The following LIAS variants were observed in gnomAD, a reference collection of about 807,000 sequenced individuals.
The protein encoded by LIAS is lipoyl synthase, mitochondrial.
A neutral mutation model predicts 49.4 loss-of-function variants in LIAS; 36 were observed. The ratio of observed to expected loss-of-function variants is 0.73; its 90% CI spans 0.56 to 0.96. The LOEUF (loss-of-function observed/expected upper bound fraction) is 0.96, where lower values mean the gene tolerates loss of function less well. Ranked by LOEUF, LIAS falls within the 40% of genes least tolerant of loss-of-function variation. LIAS has a pLI of 0.00. For synonymous variants in LIAS, 145 were observed against 155.8 expected, an observed-to-expected ratio of 0.93 and a Z score of 0.52; for missense variants, 399 against 456.3, an observed-to-expected ratio of 0.87 and a Z score of 1.14.
In LIAS at chr4:39,460,922, G is replaced by C; in HGVS notation, c.178G>C (p.Asp60His). ...SGDLADRSTW[D>H]EYKGNLKRQK... ...TGATCTTGCAGACAGGAGCACCTGGGATGAATATAAAGGAAACCTAAAACG... is the reference window on the plus strand; with the variant it reads ...TGATCTTGCAGACAGGAGCACCTGGCATGAATATAAAGGAAACCTAAAACG... Residue 60 changes from aspartate (D) to histidine (H), a missense_variant, in exon 2 of 11, where the codon GAT (aspartate) becomes CAT (histidine). Around this residue, in one of 3 missense-constraint regions of LIAS, gnomAD observed 159 missense variants for 147.6 expected, o/e 1.08. Coordinates refer to ENST00000640888, the MANE Select transcript of LIAS (RefSeq NM_006859.4). 2 of 1,611,740 alleles carry C rather than the reference G, an allele frequency of 1.2e-6. No homozygotes were observed. Among genetic ancestry groups the C allele is most frequent in the Non-Finnish European group, 1.7e-6 (2 of 1,179,102 alleles).
chr4:39,474,491 G>A (rs1162880903), intron 10 of LIAS, among the ~76,000 whole-genome samples: 1 of 151,822 alleles, frequency 6.6e-6, no homozygotes, highest in African/African-American at 2.4e-5. Context: ...TGTGCCTATA[G>A]TCCCAACTTC....
intron 9 of LIAS, 34 bp downstream of exon 9, chr4:39,471,340 T>A (rs551117260): frequency 5.9e-6 from 9 of 1,534,842 alleles, no homozygotes; most frequent in East Asian, 2.3e-5. Flanking sequence ...TTTTTTTTTT[T>A]TTTATTTTTA....
chr4:39,472,615 G>A (rs1745036010), intron 9 of LIAS, among the ~76,000 whole-genome samples: 1 of 152,144 alleles, frequency 6.6e-6, no homozygotes, highest in Admixed American at 6.5e-5. Context: ...GGCGAAGAAA[G>A]AATGGGAAAC....
rs1409900033 is a variant in LIAS at position 39,477,974 on chromosome 4, G to C, written c.*859G>C. 1 of 151,114 alleles carries C rather than the reference G, an allele frequency of 6.6e-6. No homozygotes were observed. Among genetic ancestry groups the C allele is most frequent in the African/African-American group, 2.4e-5 (1 of 41,052 alleles). The allele number at this position is 151,114 out of a possible 1,614,324, so 9.4% of individuals were successfully genotyped here. On this transcript the variant is annotated 3_prime_UTR_variant, in exon 11 of 11. Transcript: ENST00000640888. ...GCGCTACAACTGCTCTCCAGACTCT[G>C]TCTTGAAAAAAAAACCCAAAAACTT...
chr4:39,468,462 A>G (rs1169872964), intron 7 of LIAS: 1 of 147,936 alleles, frequency 6.8e-6, no homozygotes, highest in Admixed American at 6.9e-5. Flanking sequence ...GCTTGGGCAA[A>G]AAGAGCGAAA....
In LIAS at chr4:39,471,343, T is replaced by A. The variant is rs7440683; in HGVS notation, c.954+37T>A. 732 of 1,411,382 alleles carry A rather than the reference T, an allele frequency of 5.2e-4. 4 individuals carry two copies. Among genetic ancestry groups the A allele is most frequent in the Non-Finnish European group, 6.1e-5 (63 of 1,031,956 alleles). The allele number at this position is 1,411,382 out of a possible 1,614,324, so 87.4% of individuals were successfully genotyped here. On this transcript the variant is annotated intron_variant, in intron 9 of 10. Transcript: ENST00000640888. ...TTGATTTGCTTTTTTTTTTTTTTTTTATTTTTAAAGATGGAGTTTTGCTCT... is the reference window on the plus strand; with the variant it reads ...TTGATTTGCTTTTTTTTTTTTTTTTAATTTTTAAAGATGGAGTTTTGCTCT...
At chr4:39,467,768 GT>G in intron 7 of LIAS, 122 bp downstream of exon 7, 1 of 1,002,906 alleles carries the variant, frequency 1.0e-6, no homozygotes, top group South Asian at 2.9e-5. Flanking sequence ...ATTCTTTTTT[GT>G]TTTTTAGGCA....
At chr4:39,459,671 T>A (rs988732564) in intron 1 of LIAS, among the ~76,000 whole-genome samples, 3 of 152,318 alleles carry the variant, frequency 2.0e-5, no homozygotes, top group Non-Finnish European at 4.4e-5. Flanking sequence ...CACGTTTGTG[T>A]TCAGATGTAA....
intron 2 of LIAS, 126 bp from the exon 3 acceptor site, chr4:39,462,070 A>G (rs773366111): frequency 2.7e-5 from 11 of 403,688 alleles, no homozygotes; most frequent in African/African-American, 4.2e-5. Flanking sequence ...AGAAATTATA[A>G]GAGTTATTCT....
chr4:39,472,627 A>G (rs1477741033), intron 9 of LIAS, among the ~76,000 whole-genome samples: 1 of 152,190 alleles, frequency 6.6e-6, no homozygotes, highest in Non-Finnish European at 1.5e-5. Flanking sequence ...ATGGGAAACC[A>G]TTCTTTCTAT....
chr4:39,471,308 T>G lies in LIAS; in HGVS notation c.954+2T>G. On this transcript the variant is annotated splice_donor_variant, in intron 9 of 10. Coordinates refer to ENST00000640888, the MANE Select transcript of LIAS (RefSeq NM_006859.4). LOFTEE classifies it high-confidence loss of function. ...CAGCCAACAAGGCGTCACCTTAAGG[T>G]ACATGTATCTTGATTTGCTTTTTTT... 6.3e-7 allele frequency: 1 copy of G among 1,581,918 alleles called. No individual in the cohort carries two copies. Among genetic ancestry groups the G allele is most frequent in the Non-Finnish European group, 8.6e-7 (1 of 1,157,670 alleles).
intron 9 of LIAS, 79 bp from the exon 10 acceptor site, chr4:39,473,021 C>A: frequency 1.2e-6 from 1 of 811,090 alleles, no homozygotes; most frequent in Non-Finnish European, 2.1e-6. Flanking sequence ...GAAGAGCATT[C>A]TGCATACATA....
chr4:39,473,174 T>C lies in LIAS; in HGVS notation c.1029T>C (p.Thr343=), dbSNP rs777324779. The C allele has an allele frequency of 2.1e-5, 34 of 1,613,424 alleles. No individual in the cohort carries two copies. Among genetic ancestry groups the C allele is most frequent in the Middle Eastern group, 1.6e-4 (1 of 6,084 alleles). ...KVGNELGFHY[T]ASGPLVRSSY... is the part of the protein sequence containing the mutation. ...GAAATGAACTTGGATTTCATTATAC[T>C]GCAAGTGGCCCTTTGGTGCGTTCTT... is the stretch of plus-strand genomic sequence containing the variant. Residue 343 remains threonine (T), a synonymous_variant, in exon 10 of 11, where the codon ACT becomes ACC. Coordinates refer to ENST00000640888, the MANE Select transcript of LIAS (RefSeq NM_006859.4).
chr4:39,470,303 C>A, intron 8 of LIAS, 139 bp downstream of exon 8: 1 of 535,002 alleles, frequency 1.9e-6, no homozygotes, highest in East Asian at 3.0e-5. Flanking sequence ...CCAACTTGCA[C>A]ATGCACCCTC....
At position 39,478,832 on chromosome 4, in the gene LIAS, T is replaced by C. The variant is rs1343507748; in HGVS notation, c.*1717T>C. On this transcript the variant is annotated 3_prime_UTR_variant, in exon 11 of 11. Coordinates refer to ENST00000640888, the MANE Select transcript of LIAS (RefSeq NM_006859.4). ...TTTCTGCATATCTAAAAGGACACTT[T>C]TAGGTGGCCATGTTGTAAAATATGT... The C allele has an allele frequency of 6.6e-6, 1 of 152,246 alleles. No homozygotes were observed. The highest frequency in any genetic ancestry group is 1.5e-5 in the Non-Finnish European group (1 of 68,034). 9.4% of individuals were successfully genotyped at this position (152,246 alleles called of 1,614,324 possible). A position where few individuals can be genotyped will look rare whatever the true frequency, so the allele number is the denominator to read the frequency against.
chr4:39,471,338 T>TA, intron 9 of LIAS, 32 bp downstream of exon 9: 5 of 1,551,128 alleles, frequency 3.2e-6, no homozygotes, highest in African/African-American at 2.8e-5. Flanking sequence ...TTTTTTTTTT[T>TA]TTTTTATTTT....
chr4:39,462,488 G>C (rs1299862729), intron 3 of LIAS, among the ~76,000 whole-genome samples, 199 bp downstream of exon 3: 3 of 152,098 alleles, frequency 2.0e-5, no homozygotes, highest in African/African-American at 7.2e-5. Context: ...TACGAGTTTG[G>C]AAACAAGGCT....
Position 39,470,175 on chromosome 4 carries a change from T to C in LIAS, c.883+11T>C. ...ATGCAACAATGAAAGGTAAAGAAAT[T>C]GAAAAATGAAAAATCTTTCCCATGT... On this transcript the variant is annotated intron_variant, in intron 8 of 10. Transcript: ENST00000640888. 1 of 1,603,292 alleles carries C rather than the reference T, an allele frequency of 6.2e-7. No individual in the cohort carries two copies. Among genetic ancestry groups the C allele is most frequent in the Non-Finnish European group, 8.5e-7 (1 of 1,173,316 alleles).
chr4:39,460,160 T>C (rs1311400209), intron 1 of LIAS, among the ~76,000 whole-genome samples: 1 of 152,190 alleles, frequency 6.6e-6, no homozygotes, highest in Admixed American at 6.5e-5. Flanking sequence ...CTTCAGTTAT[T>C]GCAGTTCAAT....
Sources: gnomAD v4.1 joint callset for allele counts (sites outside exome capture counted in the v4.1 genomes callset) on GRCh38, gnomAD v4.1.1 for gene constraint, gnomAD v4.1.1 regional missense constraint, MANE v1.5 for transcripts, NCBI Gene and HGNC (gene_info 2026-07-23, HGNC 2026-07-21) for gene names.